SQSTM1: variants seen among roughly 807,000 people sequenced by gnomAD.
The protein encoded by SQSTM1 is sequestosome 1.
SQSTM1 carries 36 observed loss-of-function variants against 45.1 expected under a neutral mutation model. The ratio of observed to expected loss-of-function variants is 0.80; its 90% CI spans 0.61 to 1.05. SQSTM1 has a LOEUF of 1.05. Ranked by LOEUF, SQSTM1 falls within the 50% of genes least tolerant of loss-of-function variation. The pLI is 0.00. For missense variants in SQSTM1, 617 were observed against 607.1 expected, an observed-to-expected ratio of 1.02 and a Z score of -0.17; for synonymous variants, 290 against 244.3, an observed-to-expected ratio of 1.19 and a Z score of -1.74.
intron 2 of SQSTM1, chr5:179,813,294 G>A (rs550383770): frequency 6.6e-6 from 1 of 152,302 alleles, no homozygotes; most frequent in South Asian, 2.1e-4. Flanking sequence ...CTGACAACTT[G>A]TAATGGGAAA....
rs1758691380 is a variant in SQSTM1, at chr5:179,838,044, A to G, written c.*1451A>G. ...GGCTTTGATTTTGAGGGTTAGCAAGACAAAGCAAATAAATGCCTTCCACCT... is the reference window on the plus strand; with the variant it reads ...GGCTTTGATTTTGAGGGTTAGCAAGGCAAAGCAAATAAATGCCTTCCACCT... On this transcript the variant is annotated 3_prime_UTR_variant, in exon 8 of 8. Coordinates refer to ENST00000389805, the MANE Select transcript of SQSTM1 (RefSeq NM_003900.5). The G allele has an allele frequency of 7.5e-6, 5 of 668,980 alleles. No individual in the cohort carries two copies. The highest frequency in any genetic ancestry group is 1.3e-5 in the Non-Finnish European group (5 of 399,948). The allele number at this position is 668,980 out of a possible 1,614,324, so 41.4% of individuals were successfully genotyped here.
Position 179,837,207 on chromosome 5 carries a change from G to A in SQSTM1, c.*614G>A. On this transcript the variant is annotated 3_prime_UTR_variant, in exon 8 of 8. Coordinates refer to ENST00000389805, the MANE Select transcript of SQSTM1 (RefSeq NM_003900.5). ...AATAAGATCTCTTTGTAGCCATCCT[G>A]TTAAATTTGTAAACAATCTAATTAA... 1 of 1,569,944 alleles carries A rather than the reference G, an allele frequency of 6.4e-7. No homozygotes were observed.
chr5:179,834,506 G>A (rs1758417071), intron 7 of SQSTM1, among the ~76,000 whole-genome samples: 2 of 151,998 alleles, frequency 1.3e-5, no homozygotes, highest in South Asian at 4.2e-4. Context: ...GGGAAGGTCA[G>A]CAGATAAACA....
At chr5:179,832,762 A>G (rs538510768) in intron 5 of SQSTM1, among the ~76,000 whole-genome samples, 17 of 152,272 alleles carry the variant, frequency 1.1e-4, no homozygotes, top group African/African-American at 4.1e-4. Context: ...CAGAAGCCAC[A>G]GAGATTTGTA....
Position 179,823,087 on chromosome 5 carries a change from G to A in SQSTM1, c.301+34G>A, listed in dbSNP as rs781101265. 1.7e-5 allele frequency: 27 copies of A among 1,588,554 alleles called. 1 individual carries two copies. In the South Asian group the frequency reaches 3.0e-4, roughly 18 times the overall value. On this transcript the variant is annotated intron_variant, in intron 2 of 7. Coordinates refer to ENST00000389805, the MANE Select transcript of SQSTM1 (RefSeq NM_003900.5). ...CTGCTCTGGGGGCTGCCTGAAGCCAGCTCAGCTTGTACTCAGTTCCCTGCT... is the reference window on the plus strand; with the variant it reads ...CTGCTCTGGGGGCTGCCTGAAGCCAACTCAGCTTGTACTCAGTTCCCTGCT...
In SQSTM1 at chr5:179,836,334, T is replaced by C. The variant is rs1758552514; in HGVS notation, c.1166-102T>C. ...GAGAGCTCTGGGCAGGCTCGGACAC[T>C]GGCAGACCCTGGTCCTGGCTGGCCA... is the stretch of plus-strand genomic sequence containing the variant. On this transcript the variant is annotated intron_variant, in intron 7 of 7. Transcript: ENST00000389805. The C allele has an allele frequency of 3.9e-6, 6 of 1,528,172 alleles. No homozygotes were observed. The Admixed American group carries it at 1.0e-4, about 26-fold the overall frequency. The allele number at this position is 1,528,172 out of a possible 1,614,324, so 94.7% of individuals were successfully genotyped here.
chr5:179,806,482 C>T lies in SQSTM1; in HGVS notation c.-266C>T. 1.5e-6 allele frequency: 2 copies of T among 1,290,636 alleles called. No individual in the cohort carries two copies. Among genetic ancestry groups the T allele is most frequent in the South Asian group, 1.6e-5 (1 of 62,324 alleles). 79.9% of individuals were successfully genotyped at this position (1,290,636 alleles called of 1,614,324 possible). A position where few individuals can be genotyped will look rare whatever the true frequency, so the allele number is the denominator to read the frequency against. ...AGGTGCGGGCCGGGCGGGGGTCGCGCTCACCTTTCTGGCCGCTGAGTGCCG... is the reference window on the plus strand; with the variant it reads ...AGGTGCGGGCCGGGCGGGGGTCGCGTTCACCTTTCTGGCCGCTGAGTGCCG... On this transcript the variant is annotated 5_prime_UTR_variant, in exon 1 of 6. Transcript: ENST00000514093. The surrounding 1 kb of genome is among the most constrained non-coding windows in gnomAD (Gnocchi z 4.6).
At chr5:179,818,422 C>T (rs138560246), upstream of SQSTM1, among the ~76,000 whole-genome samples, 2 of 152,310 alleles carry the variant, frequency 1.3e-5, no homozygotes, top group South Asian at 4.1e-4. Context: ...AGCACCCACG[C>T]GGACACTTGA....
At chr5:179,817,261 C>T (rs1038103952), upstream of SQSTM1, among the ~76,000 whole-genome samples, 4 of 152,204 alleles carry the variant, frequency 2.6e-5, no homozygotes, top group Admixed American at 6.5e-5. Context: ...CCGGGCCGCG[C>T]GCGCTTTCTG....
chr5:179,811,894 T>A (rs1757422613), intron 2 of SQSTM1: 1 of 152,164 alleles, frequency 6.6e-6, no homozygotes, highest in South Asian at 2.1e-4. Flanking sequence ...AAGCTCCACC[T>A]CCCGGGTTCA....
At chr5:179,832,025 C>T (rs556346465) in intron 5 of SQSTM1, among the ~76,000 whole-genome samples, 46 of 152,242 alleles carry the variant, frequency 3.0e-4, no homozygotes, top group African/African-American at 8.4e-4. Context: ...TCTCGTGATC[C>T]GCCCGCCTCG....
chr5:179,816,371 AACTCCTGACCTCGTG>A (rs1757577450), upstream of SQSTM1, among the ~76,000 whole-genome samples: 1 of 151,994 alleles, frequency 6.6e-6, no homozygotes, highest in Non-Finnish European at 1.5e-5. Flanking sequence ...GCTGGTCTCG[AACTCCTGACCTCGTG>A]ATCCGCCCAC....
At chr5:179,818,012 C>CAAAA (rs528143529), upstream of SQSTM1, among the ~76,000 whole-genome samples, 26 of 29,184 alleles carry the variant, frequency 8.9e-4, 5 homozygotes, top group African/African-American at 2.0e-3. Context: ...GAGACTGTCT[C>CAAAA]AAAAAAAAAA....
chr5:179,828,086 G>A (rs941703875), intron 5 of SQSTM1, among the ~76,000 whole-genome samples: 3 of 152,182 alleles, frequency 2.0e-5, no homozygotes, highest in African/African-American at 4.8e-5. Flanking sequence ...AGCAGGGCAC[G>A]GAGCATCGTC....
intron 1 of SQSTM1, 85 bp downstream of exon 1, chr5:179,821,226 G>T (rs1037745809): frequency 8.1e-7 from 1 of 1,234,778 alleles, no homozygotes; most frequent in African/African-American, 1.6e-5. Flanking sequence ...TCCCTTCTCG[G>T]CGACGCCTGG....
At chr5:179,824,897 G>A (rs539926632) in intron 4 of SQSTM1, among the ~76,000 whole-genome samples, 2 of 152,198 alleles carry the variant, frequency 1.3e-5, no homozygotes, top group South Asian at 2.1e-4. Flanking sequence ...CTGAGCCTCT[G>A]TGGGGTTGCT....
chr5:179,833,880 T>G, intron 7 of SQSTM1, 98 bp downstream of exon 7: 4 of 1,355,232 alleles, frequency 3.0e-6, no homozygotes, highest in Non-Finnish European at 4.2e-6. Context: ...GGATGAGATG[T>G]TCTCCACTGC....
rs775033427 is a variant in SQSTM1, at chr5:179,836,627, T to C, written c.*34T>C. 5.0e-6 allele frequency: 8 copies of C among 1,613,982 alleles called. No homozygotes were observed. The South Asian group carries it at 8.8e-5, about 18-fold the overall frequency. On this transcript the variant is annotated 3_prime_UTR_variant, in exon 8 of 8. Coordinates refer to ENST00000389805, the MANE Select transcript of SQSTM1 (RefSeq NM_003900.5). ...GCCCACCTCTTCTGCGTGCCCCTCTTCTGTCTCATAGTTGTGTTAAGCTTG... is the reference window on the plus strand; with the variant it reads ...GCCCACCTCTTCTGCGTGCCCCTCTCCTGTCTCATAGTTGTGTTAAGCTTG...
chr5:179,811,728 C>T (rs1757409153), intron 2 of SQSTM1: 1 of 152,110 alleles, frequency 6.6e-6, no homozygotes, highest in South Asian at 2.1e-4. Flanking sequence ...TCTTTCTAAG[C>T]CTATTTATCT....
Sources: allele counts gnomAD v4.1 joint callset (sites outside exome capture counted in the v4.1 genomes callset), GRCh38; gene constraint gnomAD v4.1.1; non-coding constraint Gnocchi (gnomAD v3.1); transcripts MANE v1.5; gene names NCBI Gene and HGNC (gene_info 2026-07-23, HGNC 2026-07-21).